Variants in PLEKHA5 observed in about 807,000 individuals in gnomAD.
PLEKHA5 encodes pleckstrin homology domain-containing family A member 5.
PLEKHA5 carries 55 observed loss-of-function variants against 181.9 expected under a neutral mutation model. The ratio of observed to expected loss-of-function variants is 0.30; its 90% CI spans 0.24 to 0.38. The LOEUF (loss-of-function observed/expected upper bound fraction) is 0.38. Among genes scored for constraint, PLEKHA5 ranks in the 10% least tolerant of loss-of-function variants. The pLI is 1.00. For synonymous variants in PLEKHA5, 535 were observed against 529.4 expected, an observed-to-expected ratio of 1.01 and a Z score of -0.15; for missense variants, 1,432 against 1,549.5, an observed-to-expected ratio of 0.92 and a Z score of 1.27.
intron 5 of PLEKHA5, among the ~76,000 whole-genome samples, chr12:19,256,234 CCTGCAGATTTCCAA>C (rs200945421): frequency 0.01 from 1,557 of 152,234 alleles, 17 homozygotes; most frequent in African/African-American, 0.035. Flanking sequence ...ACCATTTCCA[CCTGCAGATTTCCAA>C]AGATCAGAAA....
At chr12:19,354,433 G>A (rs749203563) in intron 26 of PLEKHA5, among the ~76,000 whole-genome samples, 5 of 144,352 alleles carry the variant, frequency 3.5e-5, no homozygotes, top group Non-Finnish European at 7.5e-5. Flanking sequence ...GATTACAGGT[G>A]TGAGCCACCG....
At chr12:19,267,029 C>A (rs2070702659) in intron 8 of PLEKHA5, among the ~76,000 whole-genome samples, 1 of 152,080 alleles carries the variant, frequency 6.6e-6, no homozygotes, top group Admixed American at 6.6e-5. Context: ...ACCCACCAAT[C>A]TTTGTGGTAT....
At chr12:19,193,929 G>A (rs2051919219) in intron 3 of PLEKHA5, among the ~76,000 whole-genome samples, 1 of 152,024 alleles carries the variant, frequency 6.6e-6, no homozygotes, top group South Asian at 2.1e-4. Context: ...AGAATGGTAG[G>A]GAGAGAGGTG....
chr12:19,365,301 G>T (rs1448626732), intron 29 of PLEKHA5, among the ~76,000 whole-genome samples: 1 of 151,216 alleles, frequency 6.6e-6, no homozygotes, highest in Admixed American at 6.6e-5. Flanking sequence ...TGGGAGGTGA[G>T]CTTGCAGTGA....
chr12:19,130,029 G>T lies in PLEKHA5; in HGVS notation c.90-22G>T. On this transcript the variant is annotated intron_variant, in intron 1 of 31. Transcript: ENST00000429027. This position sits in a 1 kb window ranked among gnomAD's most constrained non-coding sequence, Gnocchi z 4.5. Reference sequence around the variant, plus strand: ...GCGTCCCCTCTCACGCTCCGTGTCTGCCCCTTCTCTCACCCCTGCAGCGAG... The same window carrying T: ...GCGTCCCCTCTCACGCTCCGTGTCTTCCCCTTCTCTCACCCCTGCAGCGAG... The T allele has an allele frequency of 6.4e-7, 1 of 1,562,198 alleles. No individual in the cohort carries two copies. Among genetic ancestry groups the T allele is most frequent in the Non-Finnish European group, 8.7e-7 (1 of 1,150,972 alleles).
Position 19,287,355 on chromosome 12 carries a change from G to C in PLEKHA5, c.1780-118G>C, listed in dbSNP as rs2077444697. 4.2e-6 allele frequency: 3 copies of C among 713,434 alleles called. No homozygotes were observed. The African/African-American group carries it at 5.4e-5, about 13-fold the overall frequency. 44.2% of individuals were successfully genotyped at this position (713,434 alleles called of 1,614,324 possible). A position where few individuals can be genotyped will look rare whatever the true frequency, so the allele number is the denominator to read the frequency against. ...TGTTAGTCTCTATCATCTTTCATAA[G>C]CACTAATAGCAATTTTAAATGGTAT... On this transcript the variant is annotated intron_variant, in intron 12 of 31. Transcript: ENST00000429027.
At chr12:19,138,743 T>G (rs1025566294) in intron 3 of PLEKHA5, among the ~76,000 whole-genome samples, 5 of 151,988 alleles carry the variant, frequency 3.3e-5, no homozygotes, top group African/African-American at 1.2e-4. Context: ...GGAGGATACA[T>G]TCATGGGGCT....
At chr12:19,191,503 G>C (rs1481232815) in intron 3 of PLEKHA5, among the ~76,000 whole-genome samples, 1 of 152,166 alleles carries the variant, frequency 6.6e-6, no homozygotes, top group East Asian at 1.9e-4. Context: ...TCTTATTGCA[G>C]TACAGATGAT....
intron 3 of PLEKHA5, among the ~76,000 whole-genome samples, chr12:19,188,083 A>G (rs1338370440): frequency 6.6e-6 from 1 of 152,226 alleles, no homozygotes; most frequent in Non-Finnish European, 1.5e-5. Flanking sequence ...CAAGGTCATT[A>G]TGAAAAATAG....
rs1262667151 is a variant in PLEKHA5, at chr12:19,200,257, A to G, written c.228-53683A>G. 6.3e-6 allele frequency: 7 copies of G among 1,104,816 alleles called. No homozygotes were observed. In the East Asian group the frequency reaches 7.7e-5, roughly 12 times the overall value. 68.4% of individuals were successfully genotyped at this position (1,104,816 alleles called of 1,614,324 possible). A position where few individuals can be genotyped will look rare whatever the true frequency, so the allele number is the denominator to read the frequency against. On this transcript the variant is annotated intron_variant, in intron 3 of 31. Transcript: ENST00000429027. ...TCACCCATCCCCCTTAAATATGTAT[A>G]GATATTATGTACCAATAAAAAAAAA...
chr12:19,205,290 G>A (rs1222002884), intron 3 of PLEKHA5: 20 of 643,172 alleles, frequency 3.1e-5, no homozygotes, highest in South Asian at 7.0e-5. Context: ...TGGAGACTGC[G>A]GTGTGGTTCA....
chr12:19,272,233 T>G (rs939690531), intron 10 of PLEKHA5, among the ~76,000 whole-genome samples: 4 of 152,192 alleles, frequency 2.6e-5, no homozygotes, highest in Non-Finnish European at 5.9e-5. Flanking sequence ...TATTTTCATT[T>G]TATATATCTC....
At chr12:19,362,152 A>C (rs2095263756) in intron 29 of PLEKHA5, among the ~76,000 whole-genome samples, 1 of 131,872 alleles carries the variant, frequency 7.6e-6, no homozygotes, top group Non-Finnish European at 1.6e-5. Flanking sequence ...TGGGCAACAG[A>C]GTGAGACTCT....
At position 19,330,122 on chromosome 12, in the gene PLEKHA5, A is replaced by ATCT. The variant is rs2092701022; in HGVS notation, c.2449-6390_2449-6388dup. On this transcript the variant is annotated intron_variant, in intron 20 of 31. Coordinates refer to ENST00000429027, the MANE Select transcript of PLEKHA5 (RefSeq NM_001256470.2). The stretch of plus-strand genomic sequence containing the variant: ...GGCGCAGTAATAGTTATTTATTTAA[A>ATCT]TCTTCCCCTGTGTGCTAGCCTTTCT... 2.6e-5 allele frequency among the ~76,000 whole-genome samples: 4 copies of ATCT among 152,284 alleles called. No individual in the cohort carries two copies. The South Asian group carries it at 8.3e-4, about 32-fold the overall frequency.
intron 3 of PLEKHA5, among the ~76,000 whole-genome samples, chr12:19,161,832 G>A (rs997835333): frequency 6.6e-6 from 1 of 152,178 alleles, no homozygotes; most frequent in East Asian, 1.9e-4. Context: ...TATAACGTAC[G>A]TGTTCTGGGA....
At chr12:19,133,174 G>C (rs2034524364) in intron 3 of PLEKHA5, among the ~76,000 whole-genome samples, 1 of 151,900 alleles carries the variant, frequency 6.6e-6, no homozygotes, top group South Asian at 2.1e-4. Flanking sequence ...AAGGCTTTTA[G>C]TAGAGCTTGA....
intron 3 of PLEKHA5, among the ~76,000 whole-genome samples, chr12:19,163,321 C>T (rs1189732085): frequency 1.3e-5 from 2 of 152,048 alleles, no homozygotes; most frequent in Non-Finnish European, 1.5e-5. Context: ...GGACTACAGG[C>T]GCCAGCCACA....
chr12:19,343,049 A>G (rs958674826), intron 21 of PLEKHA5, among the ~76,000 whole-genome samples: 9 of 152,246 alleles, frequency 5.9e-5, no homozygotes, highest in Middle Eastern at 6.8e-3. Context: ...CCTTCCTGGT[A>G]TCATAAATAA....
At chr12:19,217,323 A>G (rs2058148941) in intron 3 of PLEKHA5, among the ~76,000 whole-genome samples, 1 of 152,238 alleles carries the variant, frequency 6.6e-6, no homozygotes, top group African/African-American at 2.4e-5. Flanking sequence ...AGAAAGGGAA[A>G]GATTGAATAA....
Sources: gnomAD v4.1 joint callset for allele counts (sites outside exome capture counted in the v4.1 genomes callset) on GRCh38, gnomAD v4.1.1 for gene constraint, Gnocchi (gnomAD v3.1) non-coding constraint, MANE v1.5 for transcripts, NCBI Gene and HGNC (gene_info 2026-07-23, HGNC 2026-07-21) for gene names.